Variants in DCAF10 observed in about 807,000 individuals in gnomAD.
The protein encoded by DCAF10 is DDB1 and CUL4 associated factor 10, also known as DDB1- and CUL4-associated factor 10.
A neutral mutation model predicts 51.9 loss-of-function variants in DCAF10; 19 were observed. The observed-to-expected ratio is 0.37, with a 90% CI of 0.26 to 0.54. The LOEUF (loss-of-function observed/expected upper bound fraction) is 0.54. DCAF10 is among the 20% of genes least tolerant of loss of function. The pLI is 0.87. For synonymous variants in DCAF10, 291 were observed against 297.1 expected (o/e 0.98, Z 0.21); for missense variants, 510 against 730.6 (o/e 0.70, Z 3.48).
In DCAF10 at chr9:37,861,680, A is replaced by T; in HGVS notation, c.*172A>T. The T allele has an allele frequency of 1.2e-6, 1 of 856,406 alleles. No individual in the cohort carries two copies. The highest frequency in any genetic ancestry group is 1.7e-6 in the Non-Finnish European group (1 of 575,962). The allele number at this position is 856,406 out of a possible 1,614,324, so 53.1% of individuals were successfully genotyped here. On this transcript the variant is annotated 3_prime_UTR_variant, in exon 7 of 7. Transcript: ENST00000377724. The surrounding 1 kb of genome is among the most constrained non-coding windows in gnomAD (Gnocchi z 4.9). ...AGTACTTGGTCATCCAGCATCATACAGGCATCTCCAAGTTAGACTCTATGC... is the reference window on the plus strand; with the variant it reads ...AGTACTTGGTCATCCAGCATCATACTGGCATCTCCAAGTTAGACTCTATGC...
intron 2 of DCAF10, among the ~76,000 whole-genome samples, chr9:37,834,858 G>A (rs140358879): frequency 2.0e-5 from 3 of 150,906 alleles, no homozygotes; most frequent in African/African-American, 7.3e-5. Context: ...GTGCTATCTC[G>A]ACTCACTGCA....
chr9:37,806,662 C>T (rs753280216), intron 1 of DCAF10, among the ~76,000 whole-genome samples: 10 of 152,186 alleles, frequency 6.6e-5, no homozygotes, highest in East Asian at 1.9e-4. Context: ...ATAGAATCTA[C>T]AGCAGATGAT....
chr9:37,859,979 AAAGCTTT>A, intron 5 of DCAF10, 62 bp from the exon 6 acceptor site: 1 of 1,585,712 alleles, frequency 6.3e-7, no homozygotes, highest in African/African-American at 1.3e-5. Context: ...CCAGAAATAA[AAAGCTTT>A]GATGAACTGC....
chr9:37,834,875 G>A (rs186692541), intron 2 of DCAF10, among the ~76,000 whole-genome samples: 3 of 150,372 alleles, frequency 2.0e-5, no homozygotes, highest in Non-Finnish European at 4.4e-5. Context: ...TGCAACCTCC[G>A]CCTCCCTGGC....
chr9:37,861,406 T>C lies in DCAF10; in HGVS notation c.1578T>C (p.Ser526=). The change falls in exon 7 of 7, where the codon TCT becomes TCC. Residue 526 remains serine (S), a synonymous_variant. Coordinates refer to ENST00000377724, the MANE Select transcript of DCAF10 (RefSeq NM_024345.5). The surrounding 1 kb of genome is among the most constrained non-coding windows in gnomAD (Gnocchi z 4.9). ...TGCGGGTGATCCGTTCTCTGTACTC[T>C]CATAATGATGTGGTACTGACAACAA... ...SPLRVIRSLY[S]HNDVVLTTKF... is the part of the protein sequence containing the mutation. 3 of 1,614,208 alleles carry C rather than the reference T, an allele frequency of 1.9e-6. 1 individual carries two copies. Among genetic ancestry groups the C allele is most frequent in the Non-Finnish European group, 2.5e-6 (3 of 1,180,036 alleles).
intron 6 of DCAF10, chr9:37,860,459 A>G: frequency 3.0e-6 from 1 of 333,858 alleles, no homozygotes; most frequent in Non-Finnish European, 5.4e-6. Flanking sequence ...GTTTTTGCCC[A>G]GCTTCTTAAA....
chr9:37,839,098 C>T (rs1363395004), intron 2 of DCAF10, among the ~76,000 whole-genome samples: 1 of 151,602 alleles, frequency 6.6e-6, no homozygotes, highest in Non-Finnish European at 1.5e-5. Context: ...CTCTGTGCCC[C>T]AGCTGGAGTG....
chr9:37,845,516 T>C (rs558846947), intron 3 of DCAF10, among the ~76,000 whole-genome samples: 21 of 152,186 alleles, frequency 1.4e-4, no homozygotes, highest in African/African-American at 4.8e-4. Flanking sequence ...AAGGAAGAAA[T>C]AGAAAACCTG....
chr9:37,819,987 T>C (rs1386443055), intron 2 of DCAF10, among the ~76,000 whole-genome samples: 1 of 145,850 alleles, frequency 6.9e-6, no homozygotes, highest in Non-Finnish European at 1.5e-5. Flanking sequence ...GTGATAAGAA[T>C]TATACAAATA....
chr9:37,807,388 T>A (rs1178206160), intron 1 of DCAF10, among the ~76,000 whole-genome samples: 1 of 152,182 alleles, frequency 6.6e-6, no homozygotes, highest in African/African-American at 2.4e-5. Flanking sequence ...ATAAATTTAA[T>A]GTGGACATTC....
intron 1 of DCAF10, among the ~76,000 whole-genome samples, chr9:37,819,014 AG>A (rs1431890054): frequency 6.6e-6 from 1 of 152,212 alleles, no homozygotes; most frequent in African/African-American, 2.4e-5. Flanking sequence ...AAAATTGCTG[AG>A]TCAAAACATA....
intron 3 of DCAF10, among the ~76,000 whole-genome samples, chr9:37,849,610 C>T (rs184143329): frequency 1.3e-5 from 2 of 151,926 alleles, no homozygotes; most frequent in Non-Finnish European, 1.5e-5. Context: ...TGGCCAGGCA[C>T]GGTGGCTCAT....
Position 37,854,861 on chromosome 9 carries a change from C to G in DCAF10, c.933C>G (p.Ser311=), listed in dbSNP as rs776492173. 3.7e-6 allele frequency: 6 copies of G among 1,613,870 alleles called. No homozygotes were observed. The African/African-American group carries it at 6.7e-5, about 18-fold the overall frequency. The part of the protein sequence containing the change: ...LMRMRLTPDC[S]KMLISTSSGY... ...GAATGAGGTTAACACCAGATTGTTC[C>G]AAAATGTTGATTTCAACGTCCTCTG... The change falls in exon 4 of 7, where the codon TCC becomes TCG. Residue 311 remains serine (S), a synonymous_variant. Transcript: ENST00000377724.
intron 2 of DCAF10, among the ~76,000 whole-genome samples, chr9:37,832,919 T>C (rs1379880381): frequency 6.6e-6 from 1 of 152,222 alleles, no homozygotes; most frequent in Admixed American, 6.5e-5. Context: ...GGTCTTGCTC[T>C]GTTACCTAGA....
At chr9:37,803,310 CTTTT>C (rs565473800) in intron 1 of DCAF10, among the ~76,000 whole-genome samples, 47 of 151,932 alleles carry the variant, frequency 3.1e-4, no homozygotes, top group African/African-American at 9.9e-4. Flanking sequence ...TTGTAGCTTG[CTTTT>C]TTTCTTACAG....
intron 2 of DCAF10, among the ~76,000 whole-genome samples, chr9:37,823,816 A>C (rs1829774884): frequency 1.3e-5 from 2 of 151,704 alleles, no homozygotes; most frequent in African/African-American, 4.8e-5. Context: ...GAGATATTTT[A>C]CTTTCATTTT....
intron 2 of DCAF10, among the ~76,000 whole-genome samples, chr9:37,832,387 G>A (rs1015164415): frequency 6.6e-6 from 1 of 152,050 alleles, no homozygotes; most frequent in Admixed American, 6.5e-5. Context: ...GAACCCAGGA[G>A]GTGGAGGTTG....
intron 2 of DCAF10, among the ~76,000 whole-genome samples, chr9:37,823,206 A>G (rs986296108): frequency 1.3e-5 from 2 of 152,218 alleles, no homozygotes; most frequent in Non-Finnish European, 2.9e-5. Flanking sequence ...ATTTTTGAAG[A>G]TAACAATGGC....
chr9:37,844,981 T>C (rs1830437473), intron 3 of DCAF10, among the ~76,000 whole-genome samples: 1 of 152,218 alleles, frequency 6.6e-6, no homozygotes, highest in African/African-American at 2.4e-5. Context: ...ATTGAGCATG[T>C]ACTGAACTAC....
Sources: allele counts gnomAD v4.1 joint callset (sites outside exome capture counted in the v4.1 genomes callset), GRCh38; gene constraint gnomAD v4.1.1; non-coding constraint Gnocchi (gnomAD v3.1); transcripts MANE v1.5; gene names NCBI Gene and HGNC (gene_info 2026-07-23, HGNC 2026-07-21).